Variants in B3GALT1 observed in about 807,000 individuals in gnomAD.
B3GALT1 encodes UDP-Gal:betaGlcNAc beta 1,3-galactosyltransferase, polypeptide 1.
Under a neutral mutation model 23.2 loss-of-function variants are expected in B3GALT1, and 10 were observed. The observed-to-expected ratio is 0.43, with a 90% CI of 0.27 to 0.73. The LOEUF (loss-of-function observed/expected upper bound fraction) is 0.73, where lower values mean the gene tolerates loss of function less well. Among genes scored for constraint, B3GALT1 ranks in the 30% least tolerant of loss-of-function variants. The pLI, the probability that B3GALT1 is intolerant of heterozygous loss-of-function variation, is 0.21. For missense variants in B3GALT1, 299 were observed against 405.4 expected, an observed-to-expected ratio of 0.74 and a Z score of 2.25; for synonymous variants, 156 against 141.5, an observed-to-expected ratio of 1.10 and a Z score of -0.73.
intron 3 of B3GALT1, among the ~76,000 whole-genome samples, chr2:167,678,335 A>G (rs1350127427): frequency 1.3e-5 from 2 of 152,204 alleles, no homozygotes; most frequent in African/African-American, 4.8e-5. Flanking sequence ...ATAAGTACTG[A>G]TAGTGTCCCC....
chr2:167,378,552 G>A (rs1324001201), intron 1 of B3GALT1, among the ~76,000 whole-genome samples: 1 of 151,174 alleles, frequency 6.6e-6, no homozygotes. Context: ...TGTCTGACTG[G>A]GTTTATTCAA....
At chr2:167,414,936 T>C (rs1698445228) in intron 1 of B3GALT1, among the ~76,000 whole-genome samples, 1 of 152,206 alleles carries the variant, frequency 6.6e-6, no homozygotes, top group Non-Finnish European at 1.5e-5. Context: ...TCAAACTTAA[T>C]GTACGTTAAT....
chr2:167,527,829 T>C (rs1437985292), intron 2 of B3GALT1, among the ~76,000 whole-genome samples: 5 of 152,146 alleles, frequency 3.3e-5, no homozygotes, highest in African/African-American at 1.2e-4. Context: ...GTAACGGCAA[T>C]GTCAAGTTTA....
chr2:167,550,205 G>T (rs1255363342), intron 2 of B3GALT1, among the ~76,000 whole-genome samples: 3 of 152,194 alleles, frequency 2.0e-5, no homozygotes, highest in African/African-American at 7.2e-5. Flanking sequence ...GCTAATCTCA[G>T]ATAATGAGGT....
At chr2:167,521,417 T>A (rs897364605) in intron 2 of B3GALT1, among the ~76,000 whole-genome samples, 25 of 152,170 alleles carry the variant, frequency 1.6e-4, no homozygotes, top group African/African-American at 5.8e-4. Flanking sequence ...TCAGTTTTTT[T>A]AAAATACCAC....
intron 2 of B3GALT1, among the ~76,000 whole-genome samples, chr2:167,628,179 A>C (rs2105444759): frequency 6.6e-6 from 1 of 151,772 alleles, no homozygotes; most frequent in East Asian, 1.9e-4. Context: ...TTAACAGTGT[A>C]CATTGTGTTT....
At chr2:167,459,249 T>A (rs1274788009) in intron 1 of B3GALT1, among the ~76,000 whole-genome samples, 1 of 152,162 alleles carries the variant, frequency 6.6e-6, no homozygotes, top group Non-Finnish European at 1.5e-5. Context: ...GTGTTGAAAT[T>A]ACTCTTTTAT....
rs983407535 is a variant in B3GALT1 at position 167,597,276 on chromosome 2, C to T, written c.-409-49633C>T. 3.3e-5 allele frequency among the ~76,000 whole-genome samples: 5 copies of T among 152,094 alleles called. No individual in the cohort carries two copies. The East Asian group carries it at 7.8e-4, about 24-fold the overall frequency. On this transcript the variant is annotated intron_variant, in intron 2 of 4. Coordinates refer to ENST00000392690, the MANE Select transcript of B3GALT1 (RefSeq NM_020981.4). ...GACTACAGGCGCCAGCCACCATGCC[C>T]GGCTAATTTTTTGTGTTTTCAGTAG...
chr2:167,688,742 A>G (rs185123747), intron 3 of B3GALT1, among the ~76,000 whole-genome samples: 2 of 152,240 alleles, frequency 1.3e-5, no homozygotes, highest in African/African-American at 4.8e-5. Flanking sequence ...AAGCATTCAA[A>G]TAAATAATGG....
intron 3 of B3GALT1, among the ~76,000 whole-genome samples, chr2:167,800,507 A>G (rs924469648): frequency 6.6e-6 from 1 of 152,218 alleles, no homozygotes; most frequent in Non-Finnish European, 1.5e-5. Flanking sequence ...GCATAAAGAT[A>G]TACAAATACA....
intron 3 of B3GALT1, among the ~76,000 whole-genome samples, chr2:167,676,494 C>T (rs1004661552): frequency 1.3e-5 from 2 of 149,036 alleles, no homozygotes; most frequent in South Asian, 2.1e-4. Context: ...CACACACACA[C>T]ATGCACACAC....
At chr2:167,733,192 A>G (rs1018639843) in intron 3 of B3GALT1, among the ~76,000 whole-genome samples, 2 of 152,088 alleles carry the variant, frequency 1.3e-5, no homozygotes, top group Admixed American at 1.3e-4. Context: ...GAACTTATGG[A>G]TACCTTAACA....
At chr2:167,413,657 G>A (rs1423293372) in intron 1 of B3GALT1, among the ~76,000 whole-genome samples, 1 of 151,754 alleles carries the variant, frequency 6.6e-6, no homozygotes, top group Non-Finnish European at 1.5e-5. Context: ...GTTTTCAAGT[G>A]TCAATATTAC....
rs376303638 is a variant in B3GALT1, at chr2:167,311,187, G to A, written c.-511+17853G>A. 8.5e-5 allele frequency among the ~76,000 whole-genome samples: 13 copies of A among 152,144 alleles called. No individual in the cohort carries two copies. The East Asian group carries it at 1.5e-3, about 18-fold the overall frequency. ...ATGCAAGTATTGAGAGGAGATATAT[G>A]CTATAGTTATACACAGAATGTTATT... is the stretch of plus-strand genomic sequence containing the variant. On this transcript the variant is annotated intron_variant, in intron 1 of 4. Coordinates refer to ENST00000392690, the MANE Select transcript of B3GALT1 (RefSeq NM_020981.4).
At position 167,462,160 on chromosome 2, in the gene B3GALT1, A is replaced by G. The variant is rs75131416; in HGVS notation, c.-510-28017A>G. Among the ~76,000 whole-genome samples the G allele has an allele frequency of 5.6e-3, 850 of 152,328 alleles. 9 individuals carry two copies. The highest frequency in any genetic ancestry group is 0.02 in the African/African-American group (814 of 41,568). On this transcript the variant is annotated intron_variant, in intron 1 of 4. Transcript: ENST00000392690. Reference sequence around the variant, plus strand: ...AGCATATAGTAAAATGTAGTAAAGGAGTTAGGCAGTGATATGTTTGAGTGT... The same window carrying G: ...AGCATATAGTAAAATGTAGTAAAGGGGTTAGGCAGTGATATGTTTGAGTGT...
At chr2:167,353,897 T>C (rs1418143915) in intron 1 of B3GALT1, among the ~76,000 whole-genome samples, 2 of 152,130 alleles carry the variant, frequency 1.3e-5, no homozygotes, top group Admixed American at 6.5e-5. Context: ...CCTTTTTTTT[T>C]CTTGTGGTAA....
rs1687610474 is a variant in B3GALT1 at position 167,743,641 on chromosome 2, A to G, written c.-351-75031A>G. Among the ~76,000 whole-genome samples the G allele has an allele frequency of 2.0e-5, 3 of 152,052 alleles. No homozygotes were observed. The South Asian group carries it at 6.2e-4, about 31-fold the overall frequency. On this transcript the variant is annotated intron_variant, in intron 3 of 4. Transcript: ENST00000392690. ...TAATATGTTTCTCTTTATTTTGTCT[A>G]AATCTCTGATATATTGGTAGTTTAT...
intron 3 of B3GALT1, among the ~76,000 whole-genome samples, chr2:167,703,439 T>A (rs1686911963): frequency 6.6e-6 from 1 of 152,194 alleles, no homozygotes; most frequent in African/African-American, 2.4e-5. Context: ...AAAAGCCTAG[T>A]CCTGGGAAAC....
chr2:167,668,558 G>A (rs552541773), intron 3 of B3GALT1, among the ~76,000 whole-genome samples: 104 of 152,172 alleles, frequency 6.8e-4, no homozygotes, highest in African/African-American at 2.0e-3. Context: ...CCTCGCTGCC[G>A]CCTTGCAGTT....
Sources: gnomAD v4.1 joint callset for allele counts (sites outside exome capture counted in the v4.1 genomes callset) on GRCh38, gnomAD v4.1.1 for gene constraint, MANE v1.5 for transcripts, NCBI Gene and HGNC (gene_info 2026-07-23, HGNC 2026-07-21) for gene names.